Variants in TMEM266 observed in about 807,000 individuals in gnomAD.
The protein encoded by TMEM266 is Hv1 related protein 1.
TMEM266 carries 33 observed loss-of-function variants against 50.5 expected under a neutral mutation model. That is an observed-to-expected ratio of 0.65 (90% confidence interval 0.50 to 0.87). The LOEUF (loss-of-function observed/expected upper bound fraction) is 0.87. Among genes scored for constraint, TMEM266 ranks in the 40% least tolerant of loss-of-function variants. The pLI, the probability that TMEM266 is intolerant of heterozygous loss-of-function variation, is 0.00. For synonymous variants in TMEM266, 310 were observed against 292.3 expected, an observed-to-expected ratio of 1.06 and a Z score of -0.62; for missense variants, 655 against 695.1, an observed-to-expected ratio of 0.94 and a Z score of 0.65.
chr15:76,157,880 C>T (rs921682864), intron 4 of TMEM266, among the ~76,000 whole-genome samples: 4 of 152,022 alleles, frequency 2.6e-5, no homozygotes, highest in Admixed American at 6.5e-5. Flanking sequence ...CCCAGCTCCT[C>T]GGGAGGCAGA....
chr15:76,141,502 G>A (rs912265737), intron 3 of TMEM266, among the ~76,000 whole-genome samples: 6 of 152,200 alleles, frequency 3.9e-5, no homozygotes, highest in African/African-American at 1.4e-4. Context: ...GCATCCTAAA[G>A]TGTTGGGATT....
At chr15:76,076,698 T>TGAATG (rs1017020630) in intron 1 of TMEM266, among the ~76,000 whole-genome samples, 4 of 152,086 alleles carry the variant, frequency 2.6e-5, no homozygotes, top group Non-Finnish European at 5.9e-5. Flanking sequence ...GGAACTGTCA[T>TGAATG]GAATGGTTCC....
rs536641200 is a variant in TMEM266, at chr15:76,095,189, G to A, written c.-97+35173G>A. 3.9e-5 allele frequency among the ~76,000 whole-genome samples: 6 copies of A among 152,134 alleles called. No homozygotes were observed. The South Asian group carries it at 1.2e-3, about 31-fold the overall frequency. On this transcript the variant is annotated intron_variant, in intron 1 of 10. Coordinates refer to ENST00000388942, the MANE Select transcript of TMEM266 (RefSeq NM_152335.3). ...GTGAGAGAGGGCATCCTTGTCTTGT[G>A]CCAGTTTTCAAAGGGAATGCTTCCA...
chr15:76,132,588 G>A (rs1308572032), intron 1 of TMEM266, among the ~76,000 whole-genome samples: 2 of 149,400 alleles, frequency 1.3e-5, no homozygotes, highest in East Asian at 4.0e-4. Context: ...TTGAGGTAAG[G>A]AGGTCAAGAC....
chr15:76,192,223 C>G (rs961569978), intron 9 of TMEM266, 66 bp downstream of exon 9: 12 of 1,351,952 alleles, frequency 8.9e-6, no homozygotes, highest in Admixed American at 3.6e-5. Flanking sequence ...CTCCCTCTCG[C>G]GCCCCGGGAC....
At chr15:76,182,072 G>A (rs8026809) in intron 8 of TMEM266, among the ~76,000 whole-genome samples, 1 of 152,214 alleles carries the variant, frequency 6.6e-6, no homozygotes, top group Admixed American at 6.5e-5. Flanking sequence ...AAGGAGACCA[G>A]TGGGACCTGT....
Position 76,089,504 on chromosome 15 carries a change from T to C in TMEM266, c.-97+29488T>C, listed in dbSNP as rs112879667. Among the ~76,000 whole-genome samples the C allele has an allele frequency of 3.8e-3, 579 of 152,142 alleles. 4 individuals are homozygous for C. The highest frequency in any genetic ancestry group is 0.017 in the Middle Eastern group (5 of 294). On this transcript the variant is annotated intron_variant, in intron 1 of 10. Coordinates refer to ENST00000388942, the MANE Select transcript of TMEM266 (RefSeq NM_152335.3). ...CACCGCGCCCAGCCCAGAAGTTTCTTATAGCTGAATTGTAGAATTCGTGGG... is the reference window on the plus strand; with the variant it reads ...CACCGCGCCCAGCCCAGAAGTTTCTCATAGCTGAATTGTAGAATTCGTGGG...
At chr15:76,087,084 A>T (rs956626519) in intron 1 of TMEM266, among the ~76,000 whole-genome samples, 17 of 151,908 alleles carry the variant, frequency 1.1e-4, no homozygotes, top group African/African-American at 3.9e-4. Context: ...CCTCATCTTG[A>T]TTGGGTTGGT....
Position 76,175,639 on chromosome 15 carries a change from C to G in TMEM266, c.733C>G (p.Leu245Val). Residue 245 changes from leucine (L) to valine (V), a missense_variant, in exon 8 of 11, where the codon CTG (leucine) becomes GTG (valine). Around this residue, in one of 3 missense-constraint regions of TMEM266, gnomAD observed 455 missense variants for 401.8 expected, o/e 1.13. Coordinates refer to ENST00000388942, the MANE Select transcript of TMEM266 (RefSeq NM_152335.3). ...GGCCAAGGTCATCCAAGACGAGCAG[C>G]TGGAGAGGCTGACGCAGATCTGTCA... 1 of 1,614,204 alleles carries G rather than the reference C, an allele frequency of 6.2e-7. No individual in the cohort carries two copies. The highest frequency in any genetic ancestry group is 8.5e-7 in the Non-Finnish European group (1 of 1,180,016).
intron 1 of TMEM266, among the ~76,000 whole-genome samples, chr15:76,065,391 G>C (rs1596079013): frequency 6.6e-6 from 1 of 152,000 alleles, no homozygotes; most frequent in Admixed American, 6.6e-5. Flanking sequence ...CTCAGATTTC[G>C]TTCATGATGG....
intron 9 of TMEM266, among the ~76,000 whole-genome samples, chr15:76,200,999 C>T (rs1009668587): frequency 6.6e-6 from 1 of 152,160 alleles, no homozygotes; most frequent in Non-Finnish European, 1.5e-5. Context: ...GAGGGGCCCT[C>T]AGAACACAGT....
rs577057347 is a variant in TMEM266, at chr15:76,104,219, T to TA, written c.-96-29949_-96-29948insA. ...AGATTCTGTCTCAAAAAAAAAAAAA[T>TA]TATATTTGGGAGTCATCGGCAAATA... On this transcript the variant is annotated intron_variant, in intron 1 of 10. Transcript: ENST00000388942. Among the ~76,000 whole-genome samples the TA allele has an allele frequency of 6.9e-3, 904 of 131,188 alleles. 12 individuals are homozygous for TA. Among genetic ancestry groups the TA allele is most frequent in the African/African-American group, 0.022 (858 of 38,366 alleles). The allele number at this position is 131,188 out of a possible 152,430, so 86.1% of individuals were successfully genotyped here.
chr15:76,135,095 C>G (rs1050428245), intron 2 of TMEM266, among the ~76,000 whole-genome samples: 1 of 152,250 alleles, frequency 6.6e-6, no homozygotes, highest in East Asian at 1.9e-4. Flanking sequence ...CCTGGCTCTT[C>G]TACCATCTAA....
chr15:76,163,260 C>T (rs1322008652), intron 5 of TMEM266, among the ~76,000 whole-genome samples: 1 of 152,206 alleles, frequency 6.6e-6, no homozygotes, highest in South Asian at 2.1e-4. Flanking sequence ...TCTGTGCTGG[C>T]CCCAGGCCAT....
At chr15:76,143,698 G>A (rs529487098) in intron 3 of TMEM266, among the ~76,000 whole-genome samples, 1 of 152,138 alleles carries the variant, frequency 6.6e-6, no homozygotes, top group South Asian at 2.1e-4. Context: ...GTTCCTTCCA[G>A]GCCTTTTAAA....
At chr15:76,069,156 G>A (rs1445322999) in intron 1 of TMEM266, among the ~76,000 whole-genome samples, 1 of 152,176 alleles carries the variant, frequency 6.6e-6, no homozygotes, top group African/African-American at 2.4e-5. Context: ...GTACGAACAT[G>A]TCATACTGAA....
chr15:76,146,211 G>A (rs2037752358), intron 3 of TMEM266, among the ~76,000 whole-genome samples: 1 of 152,176 alleles, frequency 6.6e-6, no homozygotes, highest in Admixed American at 6.5e-5. Flanking sequence ...GGTGCAAGGT[G>A]GGGGTCGTCA....
chr15:76,186,199 C>T (rs2038488090), intron 8 of TMEM266, among the ~76,000 whole-genome samples: 1 of 152,198 alleles, frequency 6.6e-6, no homozygotes, highest in African/African-American at 2.4e-5. Context: ...TGGTCCTGGC[C>T]TTTCCCCCAT....
In TMEM266 at chr15:76,134,293, C is replaced by T. The variant is rs373141692; in HGVS notation, c.30C>T (p.Thr10=). The T allele has an allele frequency of 5.1e-4, 819 of 1,613,642 alleles. No homozygotes were observed. The highest frequency in any genetic ancestry group is 6.6e-4 in the Non-Finnish European group (780 of 1,179,748). The change falls in exon 2 of 11, where the codon ACC becomes ACT. Residue 10 remains threonine, a synonymous_variant. Transcript: ENST00000388942. ...CTGTGGCTCCATCTTTCAACATGAC[C>T]AATCCACAGTAAGTAATGCTGGGAT... is the stretch of plus-strand genomic sequence containing the variant.
Sources: gnomAD v4.1 joint callset for allele counts (sites outside exome capture counted in the v4.1 genomes callset) on GRCh38, gnomAD v4.1.1 for gene constraint, gnomAD v4.1.1 regional missense constraint, MANE v1.5 for transcripts, NCBI Gene and HGNC (gene_info 2026-07-23, HGNC 2026-07-21) for gene names.